The following CNTNAP4 variants were observed in gnomAD, a reference collection of about 807,000 sequenced individuals.
CNTNAP4 encodes the protein contactin-associated protein-like 4.
In CNTNAP4, 98 loss-of-function variants were observed where a neutral mutation model predicts 148.4. The ratio of observed to expected loss-of-function variants is 0.66; its 90% CI spans 0.56 to 0.78. CNTNAP4 has a LOEUF of 0.78. CNTNAP4 is among the 30% of genes least tolerant of loss of function. The pLI is 0.00. For synonymous variants in CNTNAP4, 730 were observed against 565.1 expected, an observed-to-expected ratio of 1.29 and a Z score of -4.14; for missense variants, 1,935 against 1,565.6, an observed-to-expected ratio of 1.24 and a Z score of -3.98.
At chr16:76,510,729 C>T (rs1440306979) in intron 15 of CNTNAP4, among the ~76,000 whole-genome samples, 1 of 152,098 alleles carries the variant, frequency 6.6e-6, no homozygotes, top group Non-Finnish European at 1.5e-5. Context: ...ATTTTCTCAA[C>T]AGGGCTCTTG....
At chr16:76,440,708 T>G (rs2080003223) in intron 4 of CNTNAP4, among the ~76,000 whole-genome samples, 1 of 152,276 alleles carries the variant, frequency 6.6e-6, no homozygotes, top group African/African-American at 2.4e-5. Flanking sequence ...TTGGTGAACA[T>G]TAGGCCAAGC....
chr16:76,535,409 T>C (rs1401503618), intron 17 of CNTNAP4, 136 bp from the exon 18 acceptor site: 1 of 847,988 alleles, frequency 1.2e-6, no homozygotes, highest in Non-Finnish European at 1.8e-6. Flanking sequence ...TATTTGACCA[T>C]GAATTGTGTT....
intron 1 of CNTNAP4, among the ~76,000 whole-genome samples, chr16:76,311,379 A>G (rs573175406): frequency 1.3e-5 from 2 of 152,282 alleles, no homozygotes; most frequent in South Asian, 2.1e-4. Context: ...TCTGTCATGT[A>G]AAGAGTAAAT....
At chr16:76,490,680 A>G (rs73621071) in intron 13 of CNTNAP4, among the ~76,000 whole-genome samples, 12,083 of 152,232 alleles carry the variant, frequency 0.079, 1,032 homozygotes, top group African/African-American at 0.21. Flanking sequence ...TTTAAGAAAC[A>G]CAGTTCTATT....
chr16:76,511,319 C>T (rs1163509919), intron 15 of CNTNAP4, among the ~76,000 whole-genome samples: 1 of 152,132 alleles, frequency 6.6e-6, no homozygotes, highest in Non-Finnish European at 1.5e-5. Context: ...GAGTTAGTTT[C>T]TTCATTTTGT....
chr16:76,461,687 G>C (rs1466829373), intron 8 of CNTNAP4, among the ~76,000 whole-genome samples: 1 of 152,280 alleles, frequency 6.6e-6, no homozygotes, highest in South Asian at 2.1e-4. Flanking sequence ...AAATTACATA[G>C]ATGGAAGCTG....
At chr16:76,288,705 C>T (rs183080142) in intron 1 of CNTNAP4, among the ~76,000 whole-genome samples, 1 of 152,120 alleles carries the variant, frequency 6.6e-6, no homozygotes, top group Non-Finnish European at 1.5e-5. Context: ...TCAGTATCTG[C>T]AACATCTAGC....
chr16:76,322,876 C>G (rs1962571354), intron 2 of CNTNAP4, among the ~76,000 whole-genome samples: 1 of 151,400 alleles, frequency 6.6e-6, no homozygotes. Context: ...ACTTTGTCAC[C>G]TACGCTACAG....
At chr16:76,283,898 T>C (rs573157510) in intron 1 of CNTNAP4, among the ~76,000 whole-genome samples, 3 of 152,174 alleles carry the variant, frequency 2.0e-5, no homozygotes, top group Admixed American at 6.5e-5. Flanking sequence ...GTTTACAGAA[T>C]GATCTAGCTC....
chr16:76,292,740 G>A (rs556410816), intron 1 of CNTNAP4, among the ~76,000 whole-genome samples: 7 of 152,080 alleles, frequency 4.6e-5, no homozygotes, highest in African/African-American at 1.7e-4. Flanking sequence ...GAAAAAATAG[G>A]CATCTTAAGA....
intron 4 of CNTNAP4, among the ~76,000 whole-genome samples, chr16:76,428,254 A>G (rs916892370): frequency 1.3e-5 from 2 of 152,164 alleles, no homozygotes; most frequent in African/African-American, 4.8e-5. Context: ...CTCAAGCCAC[A>G]TTATCCTGTT....
intron 21 of CNTNAP4, among the ~76,000 whole-genome samples, chr16:76,546,683 C>T (rs1184866306): frequency 6.6e-6 from 1 of 152,110 alleles, no homozygotes; most frequent in Non-Finnish European, 1.5e-5. Flanking sequence ...CCAAAGCCAT[C>T]CCCCCACTCC....
intron 21 of CNTNAP4, among the ~76,000 whole-genome samples, chr16:76,547,834 A>G (rs2084800832): frequency 6.6e-6 from 1 of 152,244 alleles, no homozygotes; most frequent in Non-Finnish European, 1.5e-5. Flanking sequence ...CTGAGAGAAG[A>G]GGATGTCTAC....
intron 3 of CNTNAP4, among the ~76,000 whole-genome samples, chr16:76,400,762 G>C (rs1212164864): frequency 6.6e-6 from 1 of 152,136 alleles, no homozygotes; most frequent in South Asian, 2.1e-4. Context: ...CTTATGGCTA[G>C]CTGGCTATCT....
At chr16:76,503,824 CA>C (rs1317762585) in intron 15 of CNTNAP4, among the ~76,000 whole-genome samples, 2 of 151,488 alleles carry the variant, frequency 1.3e-5, no homozygotes, top group African/African-American at 4.9e-5. Context: ...TGATGGTTTC[CA>C]AAAGTAAATT....
chr16:76,370,932 C>T (rs1280845520), intron 3 of CNTNAP4, among the ~76,000 whole-genome samples: 1 of 151,432 alleles, frequency 6.6e-6, no homozygotes, highest in Non-Finnish European at 1.5e-5. Flanking sequence ...ATTTAGCGCT[C>T]TTCTGTCCTG....
intron 8 of CNTNAP4, among the ~76,000 whole-genome samples, chr16:76,459,069 T>C (rs2080839900): frequency 6.6e-6 from 1 of 152,190 alleles, no homozygotes; most frequent in Non-Finnish European, 1.5e-5. Context: ...GAAGAACTGT[T>C]GGACACCAGT....
chr16:76,403,258 A>C (rs184691040), intron 3 of CNTNAP4, among the ~76,000 whole-genome samples: 1 of 152,076 alleles, frequency 6.6e-6, no homozygotes, highest in Admixed American at 6.5e-5. Context: ...ACACCTGGCA[A>C]ATTTTTTTGT....
chr16:76,412,934 T>A (rs2078848839), intron 3 of CNTNAP4, among the ~76,000 whole-genome samples: 1 of 151,494 alleles, frequency 6.6e-6, no homozygotes, highest in Admixed American at 6.6e-5. Context: ...ACAGTCTTCC[T>A]GGAATTCACT....
Sources: allele counts gnomAD v4.1 joint callset (sites outside exome capture counted in the v4.1 genomes callset), GRCh38; gene constraint gnomAD v4.1.1; transcripts MANE v1.5; gene names NCBI Gene and HGNC (gene_info 2026-07-23, HGNC 2026-07-21).